CWC27: variants seen among roughly 807,000 people sequenced by gnomAD.
CWC27 encodes CWC27 spliceosome associated cyclophilin.
Under a neutral mutation model 63.6 loss-of-function variants are expected in CWC27, and 47 were observed. The ratio of observed to expected loss-of-function variants is 0.74; its 90% confidence interval spans 0.58 to 0.94. The LOEUF is 0.94. CWC27 is among the 40% of genes least tolerant of loss of function. The pLI is 0.00. For missense variants in CWC27, 495 were observed against 554.3 expected (o/e 0.89, Z 1.07); for synonymous variants, 175 against 179.8 (o/e 0.97, Z 0.22).
intron 1 of CWC27, among the ~76,000 whole-genome samples, chr5:64,773,194 A>G (rs1322530705): frequency 2.0e-5 from 3 of 152,332 alleles, no homozygotes; most frequent in East Asian, 1.9e-4. Flanking sequence ...ATTGTTTTCA[A>G]TGGTGAACTT....
At position 64,799,602 on chromosome 5, in the gene CWC27, A is replaced by ATATATATATATATATATG. The variant is rs143997810; in HGVS notation, c.670-646_670-645insTATATATATATATATATG. Among the ~76,000 whole-genome samples the ATATATATATATATATATG allele has an allele frequency of 4.0e-3, 526 of 132,860 alleles. 27 individuals carry two copies. The highest frequency in any genetic ancestry group is 0.014 in the African/African-American group (484 of 34,316). 87.2% of individuals were successfully genotyped at this position (132,860 alleles called of 152,430 possible). A position where few individuals can be genotyped will look rare whatever the true frequency, so the allele number is the denominator to read the frequency against. On this transcript the variant is annotated intron_variant, in intron 7 of 13. Transcript: ENST00000381070. ...TCCATCTCAAAATATATATATATAT[A>ATATATATATATATATATG]CTTAATAGCAGCAGTAGTTGTTGTT...
chr5:64,786,823 A>G (rs1458784084), intron 6 of CWC27, among the ~76,000 whole-genome samples, 196 bp downstream of exon 6: 1 of 152,172 alleles, frequency 6.6e-6, no homozygotes, highest in Non-Finnish European at 1.5e-5. Context: ...AGACTGAGAG[A>G]TATTGGAATT....
intron 10 of CWC27, among the ~76,000 whole-genome samples, chr5:64,828,176 TTTTAA>T (rs779914222): frequency 2.0e-5 from 3 of 152,146 alleles, no homozygotes; most frequent in Non-Finnish European, 2.9e-5. Context: ...TATGTGACAT[TTTTAA>T]TTTAAGAAAA....
At chr5:65,006,071 G>T (rs115269847) in intron 13 of CWC27, among the ~76,000 whole-genome samples, 1 of 151,764 alleles carries the variant, frequency 6.6e-6, no homozygotes, top group African/African-American at 2.4e-5. Context: ...TGTGATTTTT[G>T]TGTTGCTTGT....
intron 10 of CWC27, among the ~76,000 whole-genome samples, chr5:64,848,048 G>GA (rs1301933267): frequency 6.6e-6 from 1 of 151,592 alleles, no homozygotes; most frequent in African/African-American, 2.4e-5. Flanking sequence ...ATAGAGACTA[G>GA]AAAAATAATA....
At chr5:64,941,881 A>G (rs981240709) in intron 11 of CWC27, among the ~76,000 whole-genome samples, 3 of 152,022 alleles carry the variant, frequency 2.0e-5, no homozygotes, top group Non-Finnish European at 4.4e-5. Flanking sequence ...TCTGAGCCTC[A>G]GTTTCCTTAT....
intron 11 of CWC27, among the ~76,000 whole-genome samples, chr5:64,967,469 A>G (rs1230701146): frequency 6.6e-6 from 1 of 152,038 alleles, no homozygotes; most frequent in African/African-American, 2.4e-5. Flanking sequence ...AAAATCACCA[A>G]AATAGTTGTG....
At chr5:64,971,917 C>T (rs1165612401) in intron 12 of CWC27, 105 bp downstream of exon 12, 2 of 564,682 alleles carry the variant, frequency 3.5e-6, no homozygotes, top group East Asian at 6.6e-5. Flanking sequence ...GAAGCACTAC[C>T]TCTTAAAAAT....
intron 10 of CWC27, among the ~76,000 whole-genome samples, chr5:64,846,774 A>G (rs980789957): frequency 1.1e-4 from 17 of 151,234 alleles, no homozygotes; most frequent in African/African-American, 3.9e-4. Flanking sequence ...CAGGCGGATC[A>G]CTTGAGGTCA....
chr5:64,874,815 C>T (rs1746758240), intron 10 of CWC27, among the ~76,000 whole-genome samples: 1 of 151,552 alleles, frequency 6.6e-6, no homozygotes, highest in Non-Finnish European at 1.5e-5. Flanking sequence ...GTACTCTATT[C>T]AGCACTTCTA....
intron 10 of CWC27, among the ~76,000 whole-genome samples, chr5:64,861,952 G>A (rs1180974141): frequency 6.6e-6 from 1 of 152,286 alleles, no homozygotes; most frequent in Admixed American, 6.5e-5. Context: ...ATAGATACAT[G>A]TATTTATCCT....
chr5:64,834,505 T>C (rs1339630102), intron 10 of CWC27, among the ~76,000 whole-genome samples: 1 of 151,788 alleles, frequency 6.6e-6, no homozygotes, highest in Non-Finnish European at 1.5e-5. Context: ...TGAAACACCT[T>C]TCACTCTAAG....
intron 10 of CWC27, among the ~76,000 whole-genome samples, chr5:64,840,152 C>T (rs1745764798): frequency 6.6e-6 from 1 of 151,328 alleles, no homozygotes; most frequent in Admixed American, 6.6e-5. Flanking sequence ...GAAAAAGTGG[C>T]TTAGTGTGCC....
chr5:64,886,180 C>T (rs901300579), intron 11 of CWC27, among the ~76,000 whole-genome samples: 13 of 151,814 alleles, frequency 8.6e-5, no homozygotes, highest in African/African-American at 3.1e-4. Flanking sequence ...TGTTTCACTA[C>T]GATTTTTATT....
chr5:64,856,721 A>C (rs1380606342), intron 10 of CWC27, among the ~76,000 whole-genome samples: 1 of 152,106 alleles, frequency 6.6e-6, no homozygotes, highest in East Asian at 1.9e-4. Flanking sequence ...GGTTGAAATT[A>C]AGTTAAAGGT....
At chr5:64,775,795 G>A (rs925973422) in intron 2 of CWC27, among the ~76,000 whole-genome samples, 2 of 151,896 alleles carry the variant, frequency 1.3e-5, no homozygotes, top group Admixed American at 6.6e-5. Context: ...AGAGCTTTTT[G>A]TTGGCTTCTA....
At chr5:64,866,086 G>A (rs1309452957) in intron 10 of CWC27, among the ~76,000 whole-genome samples, 2 of 152,090 alleles carry the variant, frequency 1.3e-5, no homozygotes, top group African/African-American at 4.8e-5. Context: ...GAACCCGTCT[G>A]TCAAGGAGAT....
intron 10 of CWC27, among the ~76,000 whole-genome samples, chr5:64,824,728 C>CTTTTTTTTTTT (rs768576527): frequency 6.3e-4 from 58 of 91,960 alleles, no homozygotes; most frequent in African/African-American, 8.0e-4. Flanking sequence ...TTTCTTTTCT[C>CTTTTTTTTTTT]TTTTTTTTTT....
At chr5:65,002,859 G>C (rs1279146328) in intron 13 of CWC27, among the ~76,000 whole-genome samples, 1 of 152,126 alleles carries the variant, frequency 6.6e-6, no homozygotes, top group Non-Finnish European at 1.5e-5. Flanking sequence ...CTGTCTAGAT[G>C]ATCTCTCCAA....
Sources: allele counts gnomAD v4.1 joint callset (sites outside exome capture counted in the v4.1 genomes callset), GRCh38; gene constraint gnomAD v4.1.1; transcripts MANE v1.5; gene names NCBI Gene and HGNC (gene_info 2026-07-23, HGNC 2026-07-21).